The following EIF4G3 variants were observed in gnomAD, a reference collection of about 807,000 sequenced individuals.
EIF4G3 encodes the protein eukaryotic translation initiation factor 4 gamma 3, also known as eIF-4-gamma 3.
EIF4G3 carries 34 observed loss-of-function variants against 186.4 expected under a neutral mutation model. The ratio of observed to expected loss-of-function variants is 0.18; its 90% confidence interval spans 0.14 to 0.24. The LOEUF (loss-of-function observed/expected upper bound fraction) is 0.24. EIF4G3 is among the 10% of genes least tolerant of loss of function. The pLI is 1.00. For synonymous variants in EIF4G3, 673 were observed against 679.5 expected, an observed-to-expected ratio of 0.99 and a Z score of 0.15; for missense variants, 1,536 against 1,948.5, an observed-to-expected ratio of 0.79 and a Z score of 3.99.
rs540653288 is a variant in EIF4G3 at position 21,075,114 on chromosome 1, AAAC to A, written c.-196+14021_-196+14023del. Among the ~76,000 whole-genome samples the A allele has an allele frequency of 3.0e-3, 456 of 152,304 alleles. 2 individuals are homozygous for A. The highest frequency in any genetic ancestry group is 0.01 in the African/African-American group (427 of 41,560). ...GGAAAAAAGGAACAAAGGATATACA[AAAC>A]AACAAGAAAACAATTAACAAAATGA... On this transcript the variant is annotated intron_variant, in intron 3 of 36. Transcript: ENST00000602326.
chr1:21,035,320 G>A (rs866331047), intron 4 of EIF4G3, among the ~76,000 whole-genome samples: 25 of 152,322 alleles, frequency 1.6e-4, no homozygotes, highest in African/African-American at 4.3e-4. Flanking sequence ...CTCTGCAGCC[G>A]GGGACAGGCA....
intron 10 of EIF4G3, among the ~76,000 whole-genome samples, chr1:20,973,714 T>C (rs1410754310): frequency 1.3e-5 from 2 of 152,214 alleles, no homozygotes; most frequent in African/African-American, 4.8e-5. Flanking sequence ...AATCCACATC[T>C]TTGTTCTAGC....
At chr1:21,044,002 C>T (rs1353566746) in intron 4 of EIF4G3, among the ~76,000 whole-genome samples, 2 of 151,776 alleles carry the variant, frequency 1.3e-5, no homozygotes. Flanking sequence ...CAAAAAATGA[C>T]CAAAAGAGCT....
At chr1:21,055,712 T>C (rs6426665) in intron 3 of EIF4G3, among the ~76,000 whole-genome samples, 66,320 of 151,820 alleles carry the variant, frequency 0.44, 14,841 homozygotes, top group Non-Finnish European at 0.47. Flanking sequence ...GTGCATTTCA[T>C]ATGATGGCAA....
chr1:20,888,340 C>T (rs1253285926), intron 18 of EIF4G3, among the ~76,000 whole-genome samples: 2 of 152,120 alleles, frequency 1.3e-5, no homozygotes, highest in Admixed American at 6.5e-5. Context: ...TTATAACCCA[C>T]GTGAAAGCAC....
chr1:21,059,058 A>T (rs1415446582), intron 3 of EIF4G3, among the ~76,000 whole-genome samples: 1 of 152,066 alleles, frequency 6.6e-6, no homozygotes, highest in Non-Finnish European at 1.5e-5. Flanking sequence ...TAAAAGAATA[A>T]CAGGAAACTC....
chr1:20,941,229 A>G, intron 14 of EIF4G3: 1 of 1,532,832 alleles, frequency 6.5e-7, no homozygotes, highest in Non-Finnish European at 8.8e-7. Flanking sequence ...AACAACAACA[A>G]CAAAACCCAA....
intron 2 of EIF4G3, among the ~76,000 whole-genome samples, chr1:21,114,702 G>A (rs2096786418): frequency 6.6e-6 from 1 of 151,246 alleles, no homozygotes; most frequent in African/African-American, 2.4e-5. Flanking sequence ...ATATTCGAAG[G>A]CCAACACTTA....
intron 19 of EIF4G3, among the ~76,000 whole-genome samples, chr1:20,883,064 A>G (rs916832058): frequency 8.6e-5 from 13 of 151,926 alleles, no homozygotes; most frequent in African/African-American, 3.1e-4. Context: ...CCTTGGTGAC[A>G]GAGTGAAACC....
At chr1:20,820,809 C>T (rs2062154627) in intron 33 of EIF4G3, among the ~76,000 whole-genome samples, 1 of 152,004 alleles carries the variant, frequency 6.6e-6, no homozygotes, top group Non-Finnish European at 1.5e-5. Flanking sequence ...AGATGACCTG[C>T]CAGGAGAGAG....
At chr1:20,829,053 G>A in intron 31 of EIF4G3, 94 bp downstream of exon 31, 1 of 1,373,446 alleles carries the variant, frequency 7.3e-7, no homozygotes, top group Admixed American at 2.2e-5. Context: ...AGTCTCCAAA[G>A]GCGATAATGG....
intron 3 of EIF4G3, among the ~76,000 whole-genome samples, chr1:21,052,706 G>A (rs985835293): frequency 5.9e-5 from 9 of 152,208 alleles, no homozygotes; most frequent in African/African-American, 1.7e-4. Flanking sequence ...TCAGCCTGCC[G>A]AGTGCCTGCG....
At chr1:20,854,822 G>A (rs1464961970) in intron 26 of EIF4G3, among the ~76,000 whole-genome samples, 156 bp downstream of exon 26, 1 of 152,042 alleles carries the variant, frequency 6.6e-6, no homozygotes, top group Non-Finnish European at 1.5e-5. Context: ...CCTGAGAAAG[G>A]ATCTATGTTG....
At chr1:20,968,247 T>C (rs1248281157) in intron 12 of EIF4G3, among the ~76,000 whole-genome samples, 1 of 151,378 alleles carries the variant, frequency 6.6e-6, no homozygotes, top group Admixed American at 6.6e-5. Context: ...CAGCACAATC[T>C]CGGCTCACCA....
intron 4 of EIF4G3, among the ~76,000 whole-genome samples, chr1:21,024,130 G>A (rs1391259116): frequency 2.0e-5 from 3 of 151,362 alleles, no homozygotes; most frequent in African/African-American, 4.8e-5. Flanking sequence ...AGTGAGGAGC[G>A]TCTCCGCCCG....
At chr1:20,854,949 C>T (rs761038200) in intron 26 of EIF4G3, 29 bp downstream of exon 26, 4 of 1,587,476 alleles carry the variant, frequency 2.5e-6, no homozygotes, top group Admixed American at 1.7e-5. Flanking sequence ...AAGCCACAGC[C>T]AGGTTTGAGA....
intron 3 of EIF4G3, among the ~76,000 whole-genome samples, chr1:21,066,398 G>T (rs1219277378): frequency 6.6e-6 from 1 of 151,474 alleles, no homozygotes; most frequent in Admixed American, 6.6e-5. Context: ...TTTTACATTA[G>T]ATATGTAAAA....
chr1:20,898,253 G>A (rs1190517082), intron 16 of EIF4G3, among the ~76,000 whole-genome samples: 1 of 152,160 alleles, frequency 6.6e-6, no homozygotes, highest in African/African-American at 2.4e-5. Context: ...ACTTTGGGAG[G>A]CTGAGGCAGG....
At chr1:20,974,632 G>A (rs1345712923) in intron 10 of EIF4G3, among the ~76,000 whole-genome samples, 5 of 152,106 alleles carry the variant, frequency 3.3e-5, no homozygotes, top group Non-Finnish European at 7.4e-5. Flanking sequence ...TAAAAGAAAA[G>A]CAGAAAAATT....
Sources: allele counts gnomAD v4.1 joint callset (sites outside exome capture counted in the v4.1 genomes callset), GRCh38; gene constraint gnomAD v4.1.1; transcripts MANE v1.5; gene names NCBI Gene and HGNC (gene_info 2026-07-23, HGNC 2026-07-21).